The following LRP1B variants were observed in gnomAD, a reference collection of about 807,000 sequenced individuals.
LRP1B encodes low-density lipoprotein receptor-related protein 1B.
LRP1B carries 217 observed loss-of-function variants against 556.6 expected under a neutral mutation model. The ratio of observed to expected loss-of-function variants is 0.39; its 90% CI spans 0.35 to 0.44. LRP1B has a LOEUF of 0.44. Among genes scored for constraint, LRP1B ranks in the 20% least tolerant of loss-of-function variants. The probability of loss-of-function intolerance (pLI) is 1.00; values close to 1 mark genes in which losing one functional copy is unlikely to be tolerated. For synonymous variants in LRP1B, 2,047 were observed against 1,865.8 expected (o/e 1.10, Z -2.50); for missense variants, 5,053 against 5,620.8 (o/e 0.90, Z 3.23).
chr2:140,635,618 T>C (rs1043603909), intron 41 of LRP1B, among the ~76,000 whole-genome samples: 8 of 152,140 alleles, frequency 5.3e-5, no homozygotes, highest in African/African-American at 1.9e-4. Flanking sequence ...ACGGGAATGG[T>C]ACATTGGTTC....
intron 21 of LRP1B, among the ~76,000 whole-genome samples, chr2:140,918,626 T>C (rs1316989859): frequency 6.6e-6 from 1 of 152,130 alleles, no homozygotes; most frequent in Non-Finnish European, 1.5e-5. Flanking sequence ...AATCCCACTG[T>C]GGTTTTGAAC....
At chr2:141,590,037 A>T (rs1687279749) in intron 2 of LRP1B, among the ~76,000 whole-genome samples, 1 of 152,170 alleles carries the variant, frequency 6.6e-6, no homozygotes, top group South Asian at 2.1e-4. Context: ...GTCTGTTTTG[A>T]AATGCAATGG....
At chr2:140,461,626 G>C (rs922382203) in intron 60 of LRP1B, among the ~76,000 whole-genome samples, 1 of 152,054 alleles carries the variant, frequency 6.6e-6, no homozygotes, top group African/African-American at 2.4e-5. Context: ...CCTGAGGTCA[G>C]GAGTTCGAAA....
intron 1 of LRP1B, among the ~76,000 whole-genome samples, chr2:141,872,005 C>T (rs10167034): frequency 0.17 from 26,194 of 151,836 alleles, 2,302 homozygotes; most frequent in South Asian, 0.19. Flanking sequence ...AACCTAGCAG[C>T]TGGAACACAG....
At chr2:141,855,307 T>G (rs1698015250) in intron 1 of LRP1B, among the ~76,000 whole-genome samples, 1 of 152,132 alleles carries the variant, frequency 6.6e-6, no homozygotes, top group African/African-American at 2.4e-5. Flanking sequence ...ATCTTCTCTG[T>G]TAGCCCCTTA....
chr2:141,624,720 T>A (rs1364983155), intron 2 of LRP1B, among the ~76,000 whole-genome samples: 2 of 152,228 alleles, frequency 1.3e-5, no homozygotes, highest in African/African-American at 4.8e-5. Flanking sequence ...ATCTCATTTT[T>A]ACAAATGTAA....
chr2:141,251,728 G>C (rs990198381), intron 4 of LRP1B, among the ~76,000 whole-genome samples: 8 of 152,068 alleles, frequency 5.3e-5, no homozygotes, highest in African/African-American at 1.7e-4. Flanking sequence ...GGATATACAA[G>C]TAAATAGTGA....
chr2:141,910,022 G>A (rs935878236), intron 1 of LRP1B, among the ~76,000 whole-genome samples: 2 of 151,598 alleles, frequency 1.3e-5, no homozygotes, highest in African/African-American at 4.8e-5. Context: ...TAAAAGGAAG[G>A]TGCTATTTCA....
intron 18 of LRP1B, among the ~76,000 whole-genome samples, chr2:140,964,241 G>A (rs1297248573): frequency 6.6e-6 from 1 of 152,186 alleles, no homozygotes; most frequent in Non-Finnish European, 1.5e-5. Flanking sequence ...CTGGAAGGCA[G>A]AGCCAGGTGT....
In LRP1B at chr2:141,130,421, C is replaced by A. The variant is rs1421918467; in HGVS notation, c.1013+58000G>T. 3.9e-5 allele frequency among the ~76,000 whole-genome samples: 6 copies of A among 152,058 alleles called. No homozygotes were observed. In the East Asian group the frequency reaches 1.2e-3, roughly 29 times the overall value. On this transcript the variant is annotated intron_variant, in intron 7 of 90. Coordinates refer to ENST00000389484, the MANE Select transcript of LRP1B (RefSeq NM_018557.3). ...ATCCATAAAGATTAAAAAGTTAACA[C>A]AGACATTTGACATGAGTATAGATAA...
At position 140,716,901 on chromosome 2, in the gene LRP1B, A is replaced by G. The variant is rs1440765983; in HGVS notation, c.5759-85T>C. 4 of 625,326 alleles carry G rather than the reference A, an allele frequency of 6.4e-6. No homozygotes were observed. The East Asian group carries it at 1.2e-4, about 19-fold the overall frequency. 38.7% of individuals were successfully genotyped at this position (625,326 alleles called of 1,614,324 possible). On this transcript the variant is annotated intron_variant, in intron 35 of 90. Coordinates refer to ENST00000389484, the MANE Select transcript of LRP1B (RefSeq NM_018557.3). The stretch of plus-strand genomic sequence containing the variant: ...GGTGTTAGGATCATATTGCAACAGT[A>G]TCTTTTAGGATATCATCCTGGGTAT...
At chr2:140,737,885 A>G (rs1688000991) in intron 35 of LRP1B, among the ~76,000 whole-genome samples, 1 of 152,196 alleles carries the variant, frequency 6.6e-6, no homozygotes, top group Non-Finnish European at 1.5e-5. Flanking sequence ...GCTACGCCAG[A>G]TGAGGTATCA....
chr2:141,282,604 A>C (rs1159072368), intron 3 of LRP1B, among the ~76,000 whole-genome samples: 4 of 151,880 alleles, frequency 2.6e-5, no homozygotes, highest in Non-Finnish European at 5.9e-5. Context: ...ATAAAATGTG[A>C]TGTAATTATA....
At chr2:141,316,450 A>G (rs146750280) in intron 3 of LRP1B, among the ~76,000 whole-genome samples, 42 of 152,350 alleles carry the variant, frequency 2.8e-4, no homozygotes, top group African/African-American at 9.9e-4. Context: ...AAAAGAGAAC[A>G]GCACCTTTGA....
chr2:141,780,352 T>C (rs1428911410), intron 2 of LRP1B, among the ~76,000 whole-genome samples: 1 of 152,052 alleles, frequency 6.6e-6, no homozygotes, highest in African/African-American at 2.4e-5. Flanking sequence ...TAAAATGTTT[T>C]TGGATGGGTG....
At position 141,276,634 on chromosome 2, in the gene LRP1B, AT is replaced by A. The variant is rs1172081600; in HGVS notation, c.344-21994del. On this transcript the variant is annotated intron_variant, in intron 3 of 90. Transcript: ENST00000389484. ...GATGCAAAGGATATAATCTCATTCT[AT>A]TTTTTTCTTTCTTTCTTTCTTTCTT... Among the ~76,000 whole-genome samples the A allele has an allele frequency of 8.3e-5, 10 of 119,796 alleles. No homozygotes were observed. The East Asian group carries it at 1.7e-3, about 21-fold the overall frequency. 78.6% of individuals were successfully genotyped at this position (119,796 alleles called of 152,430 possible).
In LRP1B at chr2:140,511,292, C is replaced by CTTTTTTTTTTT. The variant is rs70985101; in HGVS notation, c.8270-1247_8270-1237dup. On this transcript the variant is annotated intron_variant, in intron 51 of 90. Coordinates refer to ENST00000389484, the MANE Select transcript of LRP1B (RefSeq NM_018557.3). ...TATCAAAATACAATCCTCTAAGGGT[C>CTTTTTTTTTTT]TTTTTTTTTTTTTTTTTTTTTTTTT... is the stretch of plus-strand genomic sequence containing the variant. 5.6e-4 allele frequency among the ~76,000 whole-genome samples: 33 copies of CTTTTTTTTTTT among 58,456 alleles called. 6 individuals carry two copies. The highest frequency in any genetic ancestry group is 2.2e-3 in the African/African-American group (32 of 14,238). The allele number at this position is 58,456 out of a possible 152,430, so 38.3% of individuals were successfully genotyped here. A position where few individuals can be genotyped will look rare whatever the true frequency, so the allele number is the denominator to read the frequency against.
intron 6 of LRP1B, among the ~76,000 whole-genome samples, chr2:141,220,710 G>A (rs531779468): frequency 6.8e-6 from 1 of 147,718 alleles, no homozygotes; most frequent in South Asian, 2.1e-4. Flanking sequence ...ATTAACAGCA[G>A]ACCTCTCAGT....
At chr2:141,667,800 C>T (rs982933094) in intron 2 of LRP1B, among the ~76,000 whole-genome samples, 1 of 152,002 alleles carries the variant, frequency 6.6e-6, no homozygotes, top group African/African-American at 2.4e-5. Context: ...CCTATGTTTC[C>T]CTCCCTAATC....
Sources: gnomAD v4.1 joint callset for allele counts (sites outside exome capture counted in the v4.1 genomes callset) on GRCh38, gnomAD v4.1.1 for gene constraint, MANE v1.5 for transcripts, NCBI Gene and HGNC (gene_info 2026-07-23, HGNC 2026-07-21) for gene names.